Variants in N4BP3 observed in about 807,000 individuals in gnomAD.
N4BP3 encodes NEDD4 binding protein 3.
Under a neutral mutation model 43.8 loss-of-function variants are expected in N4BP3, and 33 were observed. The ratio of observed to expected loss-of-function variants is 0.75; its 90% confidence interval spans 0.57 to 1.01. The LOEUF is 1.01. Ranked by LOEUF, N4BP3 falls within the 50% of genes least tolerant of loss-of-function variation. The pLI is 0.00. For synonymous variants in N4BP3, 326 were observed against 321.9 expected (o/e 1.01, Z -0.14); for missense variants, 756 against 744.2 (o/e 1.02, Z -0.18).
Position 178,123,196 on chromosome 5 carries a change from G to C in N4BP3, c.*1195G>C, listed in dbSNP as rs1213340349. On this transcript the variant is annotated 3_prime_UTR_variant, in exon 5 of 5. Coordinates refer to ENST00000274605, the MANE Select transcript of N4BP3 (RefSeq NM_015111.2). ...GCCTTTGCTCCCCCGCTGGGTGCCC[G>C]GCCTGGAACACAGGTTCTGTCTGGC... is the stretch of plus-strand genomic sequence containing the variant. 1 of 152,344 alleles carries C rather than the reference G, an allele frequency of 6.6e-6. No homozygotes were observed. The highest frequency in any genetic ancestry group is 1.5e-5 in the Non-Finnish European group (1 of 68,162). The allele number at this position is 152,344 out of a possible 1,614,324, so 9.4% of individuals were successfully genotyped here.
chr5:178,120,677 A>T lies in N4BP3; in HGVS notation c.830A>T (p.Asp277Val), dbSNP rs1757899398. 4 of 1,598,892 alleles carry T rather than the reference A, an allele frequency of 2.5e-6. No homozygotes were observed. Among genetic ancestry groups the T allele is most frequent in the Non-Finnish European group, 2.5e-6 (3 of 1,178,940 alleles). Residue 277 changes from aspartate to valine, a missense_variant, in exon 3 of 5, where the codon GAC becomes GTC. Physicochemically the swap from Asp to Val is radical, Grantham distance 152. Transcript: ENST00000274605. ...EELKRGLGDE[D>V]GSNPFTQVLE... ...CTCAAGAGGGGCCTTGGCGATGAGG[A>T]CGGCTCCAACCCCTTCACGCAGGTG... is the stretch of plus-strand genomic sequence containing the variant.
intron 1 of N4BP3, among the ~76,000 whole-genome samples, chr5:178,114,736 C>T (rs1437004826): frequency 6.6e-6 from 1 of 152,170 alleles, no homozygotes; most frequent in Non-Finnish European, 1.5e-5. Flanking sequence ...TGAATGCGGC[C>T]AGCCTGCCTC....
At position 178,121,864 on chromosome 5, in the gene N4BP3, G is replaced by T. The variant is rs376298616; in HGVS notation, c.1498G>T (p.Val500Leu). ...RRTWQEEKER[V>L]LRYQREIQGG... Reference sequence around the variant, plus strand: ...GACTTGGCAGGAGGAGAAGGAGCGCGTGCTGCGCTACCAGCGGGAGATCCA... The same window carrying T: ...GACTTGGCAGGAGGAGAAGGAGCGCTTGCTGCGCTACCAGCGGGAGATCCA... Residue 500 changes from valine (V) to leucine (L), a missense_variant, in exon 5 of 5, where the codon GTG becomes TTG. Coordinates refer to ENST00000274605, the MANE Select transcript of N4BP3 (RefSeq NM_015111.2). The T allele has an allele frequency of 2.0e-5, 32 of 1,608,612 alleles. No individual in the cohort carries two copies. Among genetic ancestry groups the T allele is most frequent in the Non-Finnish European group, 2.5e-5 (30 of 1,178,798 alleles).
Position 178,120,219 on chromosome 5 carries a change from C to T in N4BP3, c.372C>T (p.Asn124=), listed in dbSNP as rs141350681. The stretch of plus-strand genomic sequence containing the variant: ...CAGTGTTCAAGCCTACGGCGGGCAA[C>T]GGGAAAGGCTTCCTATCCATGCAAA... The part of the protein sequence containing the change: ...RPSVFKPTAG[N]GKGFLSMQSL... The change falls in exon 3 of 5, where the codon AAC becomes AAT. Residue 124 remains asparagine (N), a synonymous_variant. Coordinates refer to ENST00000274605, the MANE Select transcript of N4BP3 (RefSeq NM_015111.2). 3.6e-4 allele frequency: 569 copies of T among 1,592,226 alleles called. No homozygotes were observed. The highest frequency in any genetic ancestry group is 4.3e-4 in the Non-Finnish European group (506 of 1,166,526).
At chr5:178,115,594 C>T (rs940257962) in intron 1 of N4BP3, among the ~76,000 whole-genome samples, 5 of 152,224 alleles carry the variant, frequency 3.3e-5, no homozygotes, top group South Asian at 2.1e-4. Context: ...TTCTCCCCTG[C>T]GGCTGAACGT....
chr5:178,116,350 AGCTGGGGGCCCCCGCCCT>A (rs1244842833), intron 1 of N4BP3, among the ~76,000 whole-genome samples: 44 of 150,730 alleles, frequency 2.9e-4, no homozygotes, highest in African/African-American at 9.3e-4. Context: ...GTGTCCTGAA[AGCTGGGGGCCCCCGCCCT>A]GCTGGGGGAG....
rs1757867429 is a variant in N4BP3 at position 178,119,824 on chromosome 5, G to A, written c.241G>A (p.Ala81Thr). 2.5e-6 allele frequency: 4 copies of A among 1,613,194 alleles called. No individual in the cohort carries two copies. The highest frequency in any genetic ancestry group is 3.4e-6 in the Non-Finnish European group (4 of 1,180,020). ...CAAGCGGGCCCCTCGGAACGAGCCT[G>A]CCGACTATGCCACCCTCTACTACCG... Reference protein sequence around the residue: ...NTKRAPRNEPADYATLYYREH... With the variant: ...NTKRAPRNEPTDYATLYYREH... Residue 81 changes from alanine (A) to threonine (T), a missense_variant, in exon 2 of 5, where the codon GCC becomes ACC. Coordinates refer to ENST00000274605, the MANE Select transcript of N4BP3 (RefSeq NM_015111.2).
In N4BP3 at chr5:178,121,324, C is replaced by T. The variant is rs767215454; in HGVS notation, c.1079C>T (p.Ala360Val). ...ACCCTCCCAGAGGCTGACCCCAGTG[C>T]ACGACCAGAGGAGGAAGCCCGATGG... Reference protein sequence around the residue: ...PGTLPEADPSARPEEEARWEV... With the variant: ...PGTLPEADPSVRPEEEARWEV... Residue 360 changes from alanine (A) to valine (V), a missense_variant, in exon 4 of 5, where the codon GCA becomes GTA. Physicochemically the swap from Ala to Val is moderately conservative, Grantham distance 64. Coordinates refer to ENST00000274605, the MANE Select transcript of N4BP3 (RefSeq NM_015111.2). 2.5e-6 allele frequency: 4 copies of T among 1,602,942 alleles called. No individual in the cohort carries two copies. Among genetic ancestry groups the T allele is most frequent in the Non-Finnish European group, 1.7e-6 (2 of 1,173,314 alleles).
chr5:178,117,054 C>T (rs999529311), intron 1 of N4BP3, among the ~76,000 whole-genome samples: 2 of 152,134 alleles, frequency 1.3e-5, no homozygotes, highest in Non-Finnish European at 2.9e-5. Context: ...GTCAAGTGAT[C>T]CTCCTGCCTC....
rs1757824199 is a variant in N4BP3 at position 178,118,477 on chromosome 5, ACCCACCC to A, written c.-30-1076_-30-1070del. Among the ~76,000 whole-genome samples the A allele has an allele frequency of 6.6e-6, 1 of 152,062 alleles. No individual in the cohort carries two copies. Among genetic ancestry groups the A allele is most frequent in the East Asian group, 1.9e-4 (1 of 5,184 alleles). The stretch of plus-strand genomic sequence containing the variant: ...GGTTCCGCCAGGGTTAGGATTTGGG[ACCCACCC>A]TGCCGGGTGGTGGGCTTTGGAATAA... On this transcript the variant is annotated intron_variant, in intron 1 of 4. Coordinates refer to ENST00000274605, the MANE Select transcript of N4BP3 (RefSeq NM_015111.2). This position sits in a 1 kb window ranked among gnomAD's most constrained non-coding sequence, Gnocchi z 5.4.
rs950900419 is a variant in N4BP3, at chr5:178,125,018, C to G, written c.*3017C>G. ...AGAAGGCACTGGTGGGATGTGGAGT[C>G]AGGAGCAACCAGAGACCCCCCAATA... On this transcript the variant is annotated 3_prime_UTR_variant, in exon 5 of 5. Transcript: ENST00000274605. 1 of 152,258 alleles carries G rather than the reference C, an allele frequency of 6.6e-6. No individual in the cohort carries two copies. Among genetic ancestry groups the G allele is most frequent in the South Asian group, 2.1e-4 (1 of 4,836 alleles). The allele number at this position is 152,258 out of a possible 1,614,324, so 9.4% of individuals were successfully genotyped here. A position where few individuals can be genotyped will look rare whatever the true frequency, so the allele number is the denominator to read the frequency against.
At chr5:178,117,831 G>A (rs1040998255) in intron 1 of N4BP3, among the ~76,000 whole-genome samples, 1 of 152,072 alleles carries the variant, frequency 6.6e-6, no homozygotes, top group Non-Finnish European at 1.5e-5. Context: ...GGGTTGGTTG[G>A]GGGAGAGCTG....
chr5:178,121,494 G>A lies in N4BP3; in HGVS notation c.1128G>A (p.Glu376=). ...CCCAGGTGTGCCAGAAGACAGCAGA[G>A]ATTAGCCTCTTGAAGCAGCAGCTGC... ...ARWEVCQKTA[E]ISLLKQQLRE... Residue 376 remains glutamate, a synonymous_variant, in exon 5 of 5, where the codon GAG becomes GAA. Transcript: ENST00000274605. The A allele has an allele frequency of 6.2e-7, 1 of 1,613,956 alleles. No individual in the cohort carries two copies. The highest frequency in any genetic ancestry group is 1.7e-5 in the Admixed American group (1 of 60,028).
At position 178,123,470 on chromosome 5, in the gene N4BP3, G is replaced by GC. The variant is rs1010398708; in HGVS notation, c.*1473dup. On this transcript the variant is annotated 3_prime_UTR_variant, in exon 5 of 5. Coordinates refer to ENST00000274605, the MANE Select transcript of N4BP3 (RefSeq NM_015111.2). ...ACTTCTGAGAAGTTATCTGCAGAGA[G>GC]CCCCACCTCACTCCCTTTGGCTACC... 5.9e-5 allele frequency: 9 copies of GC among 152,644 alleles called. No individual in the cohort carries two copies. Among genetic ancestry groups the GC allele is most frequent in the South Asian group, 2.1e-4 (1 of 4,826 alleles). The allele number at this position is 152,644 out of a possible 1,614,324, so 9.5% of individuals were successfully genotyped here.
rs141114128 is a variant in N4BP3 at position 178,114,074 on chromosome 5, G to A, written c.-31+303G>A. Among the ~76,000 whole-genome samples the A allele has an allele frequency of 5.7e-3, 866 of 152,206 alleles. 9 individuals are homozygous for A. The highest frequency in any genetic ancestry group is 0.02 in the African/African-American group (843 of 41,530). The stretch of plus-strand genomic sequence containing the variant: ...ACGCGCTTTCCAGGGAGCAGCGCGC[G>A]GGACCCCTGCGCCACGGCTGGGTGG... On this transcript the variant is annotated intron_variant, in intron 1 of 4. Coordinates refer to ENST00000274605, the MANE Select transcript of N4BP3 (RefSeq NM_015111.2).
At chr5:178,116,832 G>C (rs1757783581) in intron 1 of N4BP3, among the ~76,000 whole-genome samples, 1 of 152,166 alleles carries the variant, frequency 6.6e-6, no homozygotes, top group Non-Finnish European at 1.5e-5. Flanking sequence ...GGGTGAGGTG[G>C]GCGTATTTGG....
chr5:178,121,375 G>T, intron 4 of N4BP3, 23 bp downstream of exon 4: 2 of 1,606,710 alleles, frequency 1.2e-6, no homozygotes, highest in Non-Finnish European at 1.7e-6. Context: ...ACAGGGCTCC[G>T]AGACTCTCCC....
Position 178,121,798 on chromosome 5 carries a change from C to T in N4BP3, c.1432C>T (p.Arg478Trp), listed in dbSNP as rs752552589. The T allele has an allele frequency of 4.4e-6, 7 of 1,608,944 alleles. No individual in the cohort carries two copies. The highest frequency in any genetic ancestry group is 1.1e-5 in the South Asian group (1 of 90,934). Residue 478 changes from arginine (R) to tryptophan (W), a missense_variant, in exon 5 of 5, where the codon CGG becomes TGG. Transcript: ENST00000274605. ...GGCTGAGCTGCTGCAGGAGCGACTT[C>T]GGGGCCAGGAGCAGGCGCTGCGCTT... ...LRAELLQERL[R>W]GQEQALRFEQ...
chr5:178,120,138 A>T (rs1298627802), intron 2 of N4BP3, 40 bp from the exon 3 acceptor site: 1 of 1,527,718 alleles, frequency 6.5e-7, no homozygotes, highest in South Asian at 1.3e-5. Context: ...GCAGCTGCCC[A>T]GGTCTCACAC....
Sources: gnomAD v4.1 joint callset for allele counts (sites outside exome capture counted in the v4.1 genomes callset) on GRCh38, gnomAD v4.1.1 for gene constraint, Gnocchi (gnomAD v3.1) non-coding constraint, MANE v1.5 for transcripts, NCBI Gene and HGNC (gene_info 2026-07-23, HGNC 2026-07-21) for gene names.